Variants in TAF1 observed in about 807,000 individuals in gnomAD.
TAF1 encodes TATA-box binding protein associated factor 1.
In TAF1, 2 loss-of-function variants were observed where a neutral mutation model predicts 138.5. The ratio of observed to expected loss-of-function variants is 0.01; its 90% CI spans 0.01 to 0.05. The LOEUF (loss-of-function observed/expected upper bound fraction) is 0.05, where lower values mean the gene tolerates loss of function less well. TAF1 is among the 10% of genes least tolerant of loss of function. The pLI, the probability that TAF1 is intolerant of heterozygous loss-of-function variation, is 1.00. For missense variants in TAF1, 709 were observed against 1,478.0 expected (o/e 0.48, Z 8.53); for synonymous variants, 437 against 503.2 (o/e 0.87, Z 1.76).
chrX:71,409,166 G>A (rs1211479403), intron 28 of TAF1, among the ~76,000 whole-genome samples: 3 of 111,377 alleles, frequency 2.7e-5, no homozygotes, highest in African/African-American at 9.8e-5. Context: ...CAAAAGCTGA[G>A]AAGACAAAGA....
At chrX:71,379,105 A>ATGTTTTTTTTTTT (rs2033683107) in intron 8 of TAF1, 74 bp downstream of exon 8, 2 of 332,927 alleles carry the variant, frequency 6.0e-6, no homozygotes, top group African/African-American at 5.6e-5. Context: ...CTCAGCTGTG[A>ATGTTTTTTTTTTT]TTTTTTTTTT....
At chrX:71,528,651 C>G (rs1213087575) in exon 14 of TAF1, 1 of 331,371 alleles carries the variant, frequency 3.0e-6, no homozygotes, top group Admixed American at 3.1e-5. Context: ...CCAGAAACAT[C>G]TGTGTCCGGA....
Position 71,408,165 on chromosome X carries a change from G to T in TAF1, c.4384+14G>T, listed in dbSNP as rs1569313870. 2 of 1,208,713 alleles carry T rather than the reference G, an allele frequency of 1.7e-6. No individual in the cohort carries two copies. The highest frequency in any genetic ancestry group is 2.2e-6 in the Non-Finnish European group (2 of 894,022). On this transcript the variant is annotated intron_variant, in intron 28 of 37. Coordinates refer to ENST00000423759, the MANE Select transcript of TAF1 (RefSeq NM_004606.5). ...CAACCTACAATGGTAAGAATCAAATGTTCCGTGATTGCAAAGGTCACTGTT... is the reference window on the plus strand; with the variant it reads ...CAACCTACAATGGTAAGAATCAAATTTTCCGTGATTGCAAAGGTCACTGTT...
intron 32 of TAF1, among the ~76,000 whole-genome samples, chrX:71,440,061 C>T (rs2037336357): frequency 9.0e-6 from 1 of 111,500 alleles, no homozygotes. Flanking sequence ...CATAAAGGAA[C>T]TCCCTGTTCT....
chrX:71,370,463 C>T (rs777458480), intron 3 of TAF1, among the ~76,000 whole-genome samples: 1 of 111,319 alleles, frequency 9.0e-6, no homozygotes, highest in Non-Finnish European at 1.9e-5. Flanking sequence ...TCTTCCACCT[C>T]AGCCTCCCCA....
At chrX:71,423,676 T>TTG (rs1209517185) in intron 30 of TAF1, among the ~76,000 whole-genome samples, 1 of 111,930 alleles carries the variant, frequency 8.9e-6, no homozygotes, top group Non-Finnish European at 1.9e-5. Flanking sequence ...GAGTTTCCTT[T>TTG]TGTACTATAG....
chrX:71,516,221 T>C (rs141405746), intron 13 of TAF1, among the ~76,000 whole-genome samples: 1,724 of 104,677 alleles, frequency 0.016, 39 homozygotes, highest in African/African-American at 0.057. Context: ...GCCACAATGC[T>C]CAGCTGATTT....
chrX:71,476,064 G>A (rs764238437), intron 13 of TAF1, among the ~76,000 whole-genome samples: 1 of 111,708 alleles, frequency 9.0e-6, no homozygotes, highest in South Asian at 3.7e-4. Context: ...CACGCTTCCT[G>A]TACAGCCTAC....
At chrX:71,510,651 G>A (rs2039714178) in intron 13 of TAF1, among the ~76,000 whole-genome samples, 1 of 111,957 alleles carries the variant, frequency 8.9e-6, no homozygotes, top group African/African-American at 3.2e-5. Flanking sequence ...CTAGCAGGTG[G>A]TGGGATATTT....
chrX:71,440,732 C>T (rs972338101), intron 32 of TAF1, among the ~76,000 whole-genome samples: 1 of 111,256 alleles, frequency 9.0e-6, no homozygotes, highest in East Asian at 2.8e-4. Flanking sequence ...TCACTGTTAC[C>T]ACTTTTTAAA....
chrX:71,424,196 G>A lies in TAF1; in HGVS notation c.4711G>A (p.Asp1571Asn), dbSNP rs1438198253. Residue 1571 changes from aspartate to asparagine, a missense_variant, in exon 32 of 38, where the codon GAT (aspartate) becomes AAT (asparagine). Asp to Asn is a conservative substitution (Grantham distance 23, BLOSUM62 1). Transcript: ENST00000423759. ...GTATCAGAGTCGGGAGAGCTTTCTG[G>A]ATGATGTAAACCTTATTCTGGCCAA... ...HKYQSRESFL[D>N]DVNLILANSV... 3.1e-5 allele frequency: 38 copies of A among 1,208,910 alleles called. No homozygotes were observed. The highest frequency in any genetic ancestry group is 3.9e-5 in the Non-Finnish European group (35 of 894,830).
At chrX:71,517,739 T>C (rs1261602728) in intron 13 of TAF1, among the ~76,000 whole-genome samples, 5 of 111,941 alleles carry the variant, frequency 4.5e-5, no homozygotes, top group Non-Finnish European at 9.4e-5. Flanking sequence ...CCATGGAAAG[T>C]GTAAGAAAAT....
chrX:71,420,493 C>T, intron 28 of TAF1: 9 of 1,202,928 alleles, frequency 7.5e-6, no homozygotes, highest in South Asian at 3.5e-5. Context: ...GAACGGGCAT[C>T]GGCCTCCATC....
At chrX:71,435,186 G>A (rs1315511233) in intron 32 of TAF1, among the ~76,000 whole-genome samples, 1 of 112,016 alleles carries the variant, frequency 8.9e-6, no homozygotes, top group Non-Finnish European at 1.9e-5. Context: ...CTGAGAGCCC[G>A]AAGTTTTAGA....
chrX:71,388,003 G>A (rs1273241382), intron 15 of TAF1, among the ~76,000 whole-genome samples: 1 of 111,967 alleles, frequency 8.9e-6, no homozygotes, highest in African/African-American at 3.2e-5. Context: ...TGGAGGCTGA[G>A]GCAGGAAAAT....
intron 32 of TAF1, among the ~76,000 whole-genome samples, chrX:71,438,409 C>A (rs931816178): frequency 9.0e-6 from 1 of 111,687 alleles, no homozygotes; most frequent in Admixed American, 9.5e-5. Context: ...GTTTTACTTA[C>A]CATGTTTTCA....
chrX:71,463,739 C>T lies in TAF1; in HGVS notation c.5400-85C>T. 4.3e-6 allele frequency: 4 copies of T among 938,097 alleles called. No homozygotes were observed. In the South Asian group the frequency reaches 8.7e-5, roughly 20 times the overall value. The allele number at this position is 938,097 out of a possible 1,213,427, so 77.3% of individuals were successfully genotyped here. On this transcript the variant is annotated intron_variant, in intron 37 of 37. Transcript: ENST00000423759. Reference sequence around the variant, plus strand: ...TAGTGTCCAGGGGAGGTGAGATGGGCTGATCCTTTGGTGGCACTGAGAATG... The same window carrying T: ...TAGTGTCCAGGGGAGGTGAGATGGGTTGATCCTTTGGTGGCACTGAGAATG...
chrX:71,399,606 C>T (rs1261264390), intron 24 of TAF1, among the ~76,000 whole-genome samples: 1 of 80,649 alleles, frequency 1.2e-5, no homozygotes, highest in Non-Finnish European at 2.2e-5. Flanking sequence ...GTGTCTCACT[C>T]TGTTACCCAG....
rs1416584442 is a variant in TAF1, at chrX:71,393,610, T to G, written c.3227+134T>G. 3 of 899,213 alleles carry G rather than the reference T, an allele frequency of 3.3e-6. No homozygotes were observed. The East Asian group carries it at 1.1e-4, about 32-fold the overall frequency. 74.1% of individuals were successfully genotyped at this position (899,213 alleles called of 1,213,427 possible). ...TCAGATATCTGACATGTCAGGGTAG[T>G]ATATGTTTGTAATCCCACCACCAGA... On this transcript the variant is annotated intron_variant, in intron 21 of 37. Coordinates refer to ENST00000423759, the MANE Select transcript of TAF1 (RefSeq NM_004606.5).
Sources: gnomAD v4.1 joint callset for allele counts (sites outside exome capture counted in the v4.1 genomes callset) on GRCh38, gnomAD v4.1.1 for gene constraint, MANE v1.5 for transcripts, NCBI Gene and HGNC (gene_info 2026-07-23, HGNC 2026-07-21) for gene names.